The following POT1 variants were observed in gnomAD, a reference collection of about 807,000 sequenced individuals.
POT1 encodes the protein protection of telomeres 1, also known as protection of telomeres protein 1.
A neutral mutation model predicts 78.5 loss-of-function variants in POT1; 47 were observed. That is an observed-to-expected ratio of 0.60 (90% CI 0.47 to 0.76). The LOEUF (loss-of-function observed/expected upper bound fraction) is 0.76. POT1 is among the 30% of genes least tolerant of loss of function. The pLI is 0.00. For synonymous variants in POT1, 259 were observed against 260.7 expected, an observed-to-expected ratio of 0.99 and a Z score of 0.06; for missense variants, 646 against 749.9, an observed-to-expected ratio of 0.86 and a Z score of 1.62.
At chr7:124,895,167 T>C (rs1438587342) in intron 5 of POT1, among the ~76,000 whole-genome samples, 1 of 151,642 alleles carries the variant, frequency 6.6e-6, no homozygotes, top group African/African-American at 2.4e-5. Context: ...AATTTAAATA[T>C]GACTAGTGCA....
rs1290433563 is a variant in POT1, at chr7:124,863,573, C to G, written c.323G>C (p.Gly108Ala). The change falls in exon 8 of 19, where the codon GGA becomes GCA. Residue 108 changes from glycine (G) to alanine (A), a missense_variant. Gly to Ala is a moderately conservative substitution (Grantham distance 60). This residue lies in a region of POT1 where 252 missense variants were observed against 341.4 expected (regional missense o/e 0.74). Transcript: ENST00000357628. ...AGGTATGATAGGGGCTCCCAAAGTT[C>G]CCTCAAACGTCAAAGATGCAAAGCC... ...SSGFASLTFE[G>A]TLGAPIIPRT... 2 of 1,613,680 alleles carry G rather than the reference C, an allele frequency of 1.2e-6. No individual in the cohort carries two copies. The highest frequency in any genetic ancestry group is 1.7e-6 in the Non-Finnish European group (2 of 1,179,806).
intron 16 of POT1, among the ~76,000 whole-genome samples, chr7:124,827,677 C>A (rs1043174969): frequency 6.6e-6 from 1 of 152,130 alleles, no homozygotes; most frequent in African/African-American, 2.4e-5. Context: ...TTTCACTATA[C>A]CTACATAGGG....
At chr7:124,894,188 G>C (rs997095994) in intron 5 of POT1, among the ~76,000 whole-genome samples, 5 of 151,296 alleles carry the variant, frequency 3.3e-5, no homozygotes, top group Non-Finnish European at 7.4e-5. Flanking sequence ...TTCCAAGGAG[G>C]CTTCTCAGTT....
chr7:124,843,707 C>A (rs1795087524), intron 12 of POT1, among the ~76,000 whole-genome samples: 1 of 152,172 alleles, frequency 6.6e-6, no homozygotes. Flanking sequence ...TGACCCTTAG[C>A]TTAAGGCAAC....
chr7:124,871,703 T>G (rs775458598), intron 6 of POT1, among the ~76,000 whole-genome samples: 3 of 150,764 alleles, frequency 2.0e-5, no homozygotes, highest in Non-Finnish European at 3.0e-5. Flanking sequence ...CTGGTGGTAG[T>G]AAAAACTGTA....
intron 3 of POT1, among the ~76,000 whole-genome samples, chr7:124,900,101 T>G (rs1397651425): frequency 6.6e-6 from 1 of 152,196 alleles, no homozygotes; most frequent in Non-Finnish European, 1.5e-5. Context: ...ATTATATTCA[T>G]AAACATGGAT....
At chr7:124,848,066 C>A (rs2116488447) in intron 11 of POT1, among the ~76,000 whole-genome samples, 1 of 152,172 alleles carries the variant, frequency 6.6e-6, no homozygotes, top group East Asian at 1.9e-4. Flanking sequence ...ATATATGCAA[C>A]AATGTGATTA....
intron 6 of POT1, among the ~76,000 whole-genome samples, chr7:124,888,248 C>T (rs909054640): frequency 6.6e-6 from 1 of 152,052 alleles, no homozygotes; most frequent in African/African-American, 2.4e-5. Flanking sequence ...TATTCTTGCA[C>T]CCTTGTCGAA....
intron 3 of POT1, among the ~76,000 whole-genome samples, chr7:124,905,852 G>A (rs1249489091): frequency 1.3e-5 from 2 of 152,178 alleles, no homozygotes; most frequent in Non-Finnish European, 2.9e-5. Context: ...TTTGTCAAAA[G>A]AAGACATTTA....
chr7:124,846,183 A>ACACACACACACC (rs71520316), intron 12 of POT1, among the ~76,000 whole-genome samples: 16 of 151,326 alleles, frequency 1.1e-4, no homozygotes, highest in East Asian at 5.8e-4. Flanking sequence ...ACACACACAC[A>ACACACACACACC]CCCCTATAAT....
At chr7:124,850,385 T>C (rs1795273717) in intron 11 of POT1, among the ~76,000 whole-genome samples, 1 of 152,172 alleles carries the variant, frequency 6.6e-6, no homozygotes, top group Non-Finnish European at 1.5e-5. Context: ...AGTTTCCCAT[T>C]GTTTAAAGGA....
At chr7:124,867,845 A>C (rs973301461) in intron 7 of POT1, among the ~76,000 whole-genome samples, 2 of 151,876 alleles carry the variant, frequency 1.3e-5, no homozygotes, top group African/African-American at 4.8e-5. Context: ...ACGGGGTTTC[A>C]CCATACTGGC....
chr7:124,863,304 T>C (rs767036908), intron 8 of POT1, 46 bp downstream of exon 8: 1 of 1,539,526 alleles, frequency 6.5e-7, no homozygotes, highest in Non-Finnish European at 8.9e-7. Context: ...TTTACAGACA[T>C]GTAAGTGGTG....
At chr7:124,885,575 G>A (rs1442227904) in intron 6 of POT1, among the ~76,000 whole-genome samples, 1 of 151,938 alleles carries the variant, frequency 6.6e-6, no homozygotes, top group Non-Finnish European at 1.5e-5. Context: ...GACCATCCTG[G>A]CTAACACAGT....
intron 9 of POT1, among the ~76,000 whole-genome samples, chr7:124,857,485 C>T (rs141659571): frequency 1.3e-5 from 2 of 152,290 alleles, no homozygotes; most frequent in African/African-American, 4.8e-5. Flanking sequence ...ATCCATGGCC[C>T]ACCCCACCTG....
At chr7:124,887,507 CA>C (rs1285898759) in intron 6 of POT1, among the ~76,000 whole-genome samples, 2 of 152,038 alleles carry the variant, frequency 1.3e-5, no homozygotes, top group East Asian at 3.9e-4. Flanking sequence ...ATTCCTAGTT[CA>C]TTCCTCAACA....
intron 4 of POT1, 34 bp from the exon 5 acceptor site, chr7:124,897,246 C>T (rs1796514695): frequency 2.0e-6 from 2 of 975,834 alleles, no homozygotes; most frequent in Admixed American, 2.3e-5. Flanking sequence ...TATTTGTATA[C>T]AGATAACCTC....
chr7:124,883,871 ATTCT>A (rs1796181726), intron 6 of POT1, among the ~76,000 whole-genome samples: 1 of 151,740 alleles, frequency 6.6e-6, no homozygotes, highest in Admixed American at 6.6e-5. Flanking sequence ...ATCATACTAG[ATTCT>A]TTCATCTCTC....
At chr7:124,892,923 A>C (rs1056669382) in intron 5 of POT1, 3 of 151,618 alleles carry the variant, frequency 2.0e-5, no homozygotes, top group Middle Eastern at 6.8e-3. Context: ...CTAAGAAAAG[A>C]GAGTTTTATT....
Sources: gnomAD v4.1 joint callset for allele counts (sites outside exome capture counted in the v4.1 genomes callset) on GRCh38, gnomAD v4.1.1 for gene constraint, gnomAD v4.1.1 regional missense constraint, MANE v1.5 for transcripts, NCBI Gene and HGNC (gene_info 2026-07-23, HGNC 2026-07-21) for gene names.